The following PITX3 variants were observed in gnomAD, a reference collection of about 807,000 sequenced individuals.
The protein encoded by PITX3 is paired like homeodomain 3.
In PITX3, 4 loss-of-function variants were observed where a neutral mutation model predicts 14.2. That is an observed-to-expected ratio of 0.28 (90% CI 0.14 to 0.65). The LOEUF (loss-of-function observed/expected upper bound fraction) is 0.65. Among genes scored for constraint, PITX3 ranks in the 30% least tolerant of loss-of-function variants. PITX3 has a pLI of 0.82. For missense variants in PITX3, 358 were observed against 426.8 expected, an observed-to-expected ratio of 0.84 and a Z score of 1.42; for synonymous variants, 194 against 204.5, an observed-to-expected ratio of 0.95 and a Z score of 0.44.
chr10:102,230,512 G>A lies in PITX3; in HGVS notation c.*2C>T, dbSNP rs780354325. 6.9e-6 allele frequency: 11 copies of A among 1,604,980 alleles called. No individual in the cohort carries two copies. The Admixed American group carries it at 8.4e-5, about 12-fold the overall frequency. On this transcript the variant is annotated 3_prime_UTR_variant, in exon 4 of 4. Transcript: ENST00000370002. ...TCGGGGATGATCTACGGGCGGGGCC[G>A]CTCATACGGGCCTTTCCACGGCGTA...
intron 1 of PITX3, among the ~76,000 whole-genome samples, chr10:102,237,162 T>A (rs2070415451): frequency 6.6e-6 from 1 of 151,790 alleles, no homozygotes; most frequent in Non-Finnish European, 1.5e-5. Flanking sequence ...CTTGTAGGAG[T>A]CTGCAGTGTA....
chr10:102,234,487 G>A (rs1265288818), intron 1 of PITX3, among the ~76,000 whole-genome samples: 1 of 152,166 alleles, frequency 6.6e-6, no homozygotes, highest in Admixed American at 6.5e-5. Context: ...GTCAGGTCAG[G>A]GGGTTTGGAG....
rs761989535 is a variant in PITX3 at position 102,230,573 on chromosome 10, C to G, written c.850G>C (p.Gly284Arg). 11 of 1,611,388 alleles carry G rather than the reference C, an allele frequency of 6.8e-6. No individual in the cohort carries two copies. The highest frequency in any genetic ancestry group is 2.2e-5 in the South Asian group (2 of 90,490). The change falls in exon 4 of 4, where the codon GGG becomes CGG. Residue 284 changes from glycine to arginine, a missense_variant. Physicochemically the swap from Gly to Arg is moderately radical, Grantham distance 125 (BLOSUM62 -2). This residue lies in a region of PITX3 where 236 missense variants were observed against 250.2 expected (regional missense o/e 0.94). Coordinates refer to ENST00000370002, the MANE Select transcript of PITX3 (RefSeq NM_005029.4). ...HASFSYPAVH[G>R]PPPAANLSPC... Reference sequence around the variant, plus strand: ...CTAAGGTTGGCTGCCGGGGGCGGCCCGTGCACAGCGGGGTAGCTGAAGGAG... The same window carrying G: ...CTAAGGTTGGCTGCCGGGGGCGGCCGGTGCACAGCGGGGTAGCTGAAGGAG...
At chr10:102,231,167 C>A in intron 3 of PITX3, 66 bp from the exon 4 acceptor site, 1 of 1,413,278 alleles carries the variant, frequency 7.1e-7, no homozygotes. Context: ...GGGCGGGCCA[C>A]CCCGACGGGG....
intron 3 of PITX3, 56 bp from the exon 4 acceptor site, chr10:102,231,157 G>A: frequency 1.4e-6 from 2 of 1,448,970 alleles, no homozygotes; most frequent in Non-Finnish European, 9.0e-7. Flanking sequence ...AGCGGCTGAA[G>A]GGCGGGCCAC....
intron 1 of PITX3, among the ~76,000 whole-genome samples, chr10:102,235,739 C>T (rs1284982298): frequency 6.6e-6 from 1 of 152,180 alleles, no homozygotes; most frequent in African/African-American, 2.4e-5. Flanking sequence ...TCTGCCCTTC[C>T]TTGAGTGAGT....
chr10:102,232,180 C>T, intron 1 of PITX3, 88 bp from the exon 2 acceptor site: 4 of 763,336 alleles, frequency 5.2e-6, no homozygotes, highest in Non-Finnish European at 6.7e-6. Context: ...CGTAAATTCC[C>T]TGGCGCCTTT....
intron 1 of PITX3, among the ~76,000 whole-genome samples, chr10:102,233,794 C>T (rs2133803654): frequency 6.6e-6 from 1 of 152,340 alleles, no homozygotes; most frequent in African/African-American, 2.4e-5. Context: ...TAGGCAGGAG[C>T]TTCATTAGAC....
intron 1 of PITX3, among the ~76,000 whole-genome samples, chr10:102,232,768 A>AT (rs2070284521): frequency 6.6e-6 from 1 of 152,210 alleles, no homozygotes; most frequent in Non-Finnish European, 1.5e-5. Flanking sequence ...TCTCACCTGA[A>AT]TGCTTAGTAT....
chr10:102,233,935 G>A (rs2070320485), intron 1 of PITX3, among the ~76,000 whole-genome samples: 1 of 152,188 alleles, frequency 6.6e-6, no homozygotes, highest in Non-Finnish European at 1.5e-5. Flanking sequence ...TCTGCTGCGA[G>A]GAAGGGAAAT....
chr10:102,234,842 G>C (rs1344678516), intron 1 of PITX3, among the ~76,000 whole-genome samples: 1 of 152,082 alleles, frequency 6.6e-6, no homozygotes, highest in Non-Finnish European at 1.5e-5. Context: ...CCCTGTCCCC[G>C]GCATTCCATA....
intron 1 of PITX3, among the ~76,000 whole-genome samples, chr10:102,238,670 T>G (rs2070462168): frequency 6.6e-6 from 1 of 152,228 alleles, no homozygotes; most frequent in Admixed American, 6.5e-5. Flanking sequence ...GCAGAGGGCC[T>G]TCACAGACAT....
In PITX3 at chr10:102,230,885, C is replaced by A; in HGVS notation, c.538G>T (p.Gly180Trp). Residue 180 changes from glycine to tryptophan, a missense_variant, in exon 4 of 4, where the codon GGG becomes TGG. Gly to Trp is a radical substitution (Grantham distance 184). Coordinates refer to ENST00000370002, the MANE Select transcript of PITX3 (RefSeq NM_005029.4). ...AAGACGGGCTGCGAAGCCAGAGGCC[C>A]CACGTTGACCGAGTTGAAGGCGAAT... The part of the protein sequence containing the change: ...FPFAFNSVNV[G>W]PLASQPVFSP... The A allele has an allele frequency of 6.2e-7, 1 of 1,610,072 alleles. No homozygotes were observed. The highest frequency in any genetic ancestry group is 8.5e-7 in the Non-Finnish European group (1 of 1,178,642).
intron 3 of PITX3, 85 bp downstream of exon 3, chr10:102,231,503 G>T (rs2070236202): frequency 1.1e-6 from 1 of 890,308 alleles, no homozygotes. Context: ...GGAGGGGGCA[G>T]GTGGGGTGGA....
chr10:102,235,101 C>A (rs1434828458), intron 1 of PITX3, among the ~76,000 whole-genome samples: 1 of 152,060 alleles, frequency 6.6e-6, no homozygotes, highest in African/African-American at 2.4e-5. Context: ...CGTACCGTCA[C>A]ACAGTCTCCT....
At position 102,232,014 on chromosome 10, in the gene PITX3, T is replaced by G. The variant is rs1053162039; in HGVS notation, c.67A>C (p.Thr23Pro). 1.2e-6 allele frequency: 2 copies of G among 1,609,434 alleles called. No homozygotes were observed. The highest frequency in any genetic ancestry group is 1.7e-6 in the Non-Finnish European group (2 of 1,179,442). ...SPALSLSDAGTPHPQLPEHGC... is the reference protein window; with the variant it reads ...SPALSLSDAGPPHPQLPEHGC... ...TGCTCTGGGAGCTGGGGGTGCGGAG[T>G]GCCAGCGTCTGACAGCGACAGGGCA... The change falls in exon 2 of 4, where the codon ACT becomes CCT. Residue 23 changes from threonine to proline, a missense_variant. Thr to Pro is a conservative substitution (Grantham distance 38, BLOSUM62 -1). Transcript: ENST00000370002.
In PITX3 at chr10:102,230,551, A is replaced by G; in HGVS notation, c.872T>C (p.Leu291Pro). ...AVHGPPPAAN[L>P]SPCQYAVERP... is the part of the protein sequence containing the mutation. ...TTCCACGGCGTACTGGCACGGACTA[A>G]GGTTGGCTGCCGGGGGCGGCCCGTG... The change falls in exon 4 of 4, where the codon CTT becomes CCT. Residue 291 changes from leucine to proline, a missense_variant. Leu to Pro is a moderately conservative substitution (Grantham distance 98). Transcript: ENST00000370002. 6.2e-7 allele frequency: 1 copy of G among 1,611,242 alleles called. No individual in the cohort carries two copies. The highest frequency in any genetic ancestry group is 8.5e-7 in the Non-Finnish European group (1 of 1,179,086).
At chr10:102,235,394 A>G (rs1173010178) in intron 1 of PITX3, among the ~76,000 whole-genome samples, 1 of 152,104 alleles carries the variant, frequency 6.6e-6, no homozygotes, top group Non-Finnish European at 1.5e-5. Context: ...GTCATCTGGT[A>G]TAGCCCAAAG....
At chr10:102,234,269 C>G (rs562272345) in intron 1 of PITX3, among the ~76,000 whole-genome samples, 26 of 152,156 alleles carry the variant, frequency 1.7e-4, no homozygotes, top group Admixed American at 3.9e-4. Flanking sequence ...CCCCCACTCC[C>G]CACCCCACCT....
Sources: allele counts gnomAD v4.1 joint callset (sites outside exome capture counted in the v4.1 genomes callset), GRCh38; gene constraint gnomAD v4.1.1; regional missense constraint gnomAD v4.1.1; transcripts MANE v1.5; gene names NCBI Gene and HGNC (gene_info 2026-07-23, HGNC 2026-07-21).